The following COQ3 variants were observed in gnomAD, a reference collection of about 807,000 sequenced individuals.
COQ3 encodes coenzyme Q3, methyltransferase, also known as ubiquinone biosynthesis O-methyltransferase, mitochondrial.
A neutral mutation model predicts 33.1 loss-of-function variants in COQ3; 29 were observed. That is an observed-to-expected ratio of 0.88 (90% CI 0.65 to 1.19). COQ3 has a LOEUF of 1.19. Among genes scored for constraint, COQ3 ranks in the 50% most tolerant of loss-of-function variants. The pLI, the probability that COQ3 is intolerant of heterozygous loss-of-function variation, is 0.00. For missense variants in COQ3, 437 were observed against 430.7 expected (o/e 1.01, Z -0.13); for synonymous variants, 173 against 157.8 (o/e 1.10, Z -0.72).
At chr6:99,374,131 A>T (rs1487398988) in intron 5 of COQ3, among the ~76,000 whole-genome samples, 26 of 149,212 alleles carry the variant, frequency 1.7e-4, no homozygotes, top group South Asian at 6.8e-4. Flanking sequence ...GCAAAAAAAA[A>T]AAAAAAAAAA....
chr6:99,374,576 G>T (rs1199944694), intron 5 of COQ3, among the ~76,000 whole-genome samples: 1 of 152,320 alleles, frequency 6.6e-6, no homozygotes, highest in Non-Finnish European at 1.5e-5. Context: ...GACAGAGTCA[G>T]TATAGTAATA....
intron 2 of COQ3, among the ~76,000 whole-genome samples, chr6:99,380,922 A>ATAAT (rs1418257178): frequency 1.7e-5 from 2 of 117,108 alleles, no homozygotes; most frequent in African/African-American, 2.6e-5. Flanking sequence ...AAATAAATAA[A>ATAAT]TAATAATAAT....
chr6:99,385,379 A>C (rs185211144), intron 1 of COQ3, among the ~76,000 whole-genome samples: 226 of 152,348 alleles, frequency 1.5e-3, no homozygotes, highest in Non-Finnish European at 2.9e-3. Context: ...AACATTCATA[A>C]AGATAGACCA....
In COQ3 at chr6:99,369,803, T is replaced by A; in HGVS notation, c.907A>T (p.Thr303Ser). The A allele has an allele frequency of 6.2e-7, 1 of 1,603,308 alleles. No individual in the cohort carries two copies. The highest frequency in any genetic ancestry group is 8.5e-7 in the Non-Finnish European group (1 of 1,174,798). ...GGGTTATAGAGCATTCCTACCACTG[T>A]TTGAACTGACAGACCATCTGAAAAA... ...ILESNGLSVQ[T>S]VVGMLYNPFS... Residue 303 changes from threonine to serine, a missense_variant, in exon 7 of 7, where the codon ACA becomes TCA. By Grantham distance (58) the Thr-to-Ser change is moderately conservative. Coordinates refer to ENST00000254759, the MANE Select transcript of COQ3 (RefSeq NM_017421.4).
intron 5 of COQ3, among the ~76,000 whole-genome samples, chr6:99,375,267 C>T (rs1774251873): frequency 6.6e-6 from 1 of 152,000 alleles, no homozygotes; most frequent in Admixed American, 6.6e-5. Flanking sequence ...TGTGCCCAGC[C>T]TCAAATCAAT....
intron 2 of COQ3, chr6:99,382,928 G>A (rs1774512584): frequency 1.3e-5 from 2 of 151,918 alleles, no homozygotes; most frequent in African/African-American, 4.8e-5. Flanking sequence ...ACTCCAGCCT[G>A]GGCAACAAGA....
chr6:99,374,122 CA>C (rs146515261), intron 5 of COQ3, among the ~76,000 whole-genome samples: 1,284 of 86,436 alleles, frequency 0.015, 9 homozygotes, highest in African/African-American at 0.046. Context: ...CTGACATTAG[CA>C]AAAAAAAAAA....
chr6:99,371,585 G>A lies in COQ3; in HGVS notation c.732C>T (p.Pro244=), dbSNP rs369408410. 28 of 1,581,846 alleles carry A rather than the reference G, an allele frequency of 1.8e-5. No individual in the cohort carries two copies. Among genetic ancestry groups the A allele is most frequent in the Middle Eastern group, 1.7e-4 (1 of 5,994 alleles). The stretch of plus-strand genomic sequence containing the variant: ...TTGTAGTAATGAATAAAGAACCACC[G>A]GGCTAAAAGAAATGAAATTATATAG... ...FLQCCCQVLK[P]GGSLFITTIN... The change falls in exon 6 of 7, where the codon CCC becomes CCT. Residue 244 remains proline, a splice_region_variant and synonymous_variant. Transcript: ENST00000254759.
At chr6:99,388,932 CA>C (rs558461217) in intron 1 of COQ3, among the ~76,000 whole-genome samples, 2,314 of 53,702 alleles carry the variant, frequency 0.043, 37 homozygotes, top group East Asian at 0.18. Context: ...CACACACACA[CA>C]CCCACATCCT....
intron 4 of COQ3, 141 bp from the exon 5 acceptor site, chr6:99,376,323 T>C (rs1562203453): frequency 4.9e-6 from 4 of 821,328 alleles, no homozygotes; most frequent in East Asian, 2.7e-5. Flanking sequence ...GAAACTCATA[T>C]ACCATTTTCT....
intron 1 of COQ3, among the ~76,000 whole-genome samples, chr6:99,392,811 T>C (rs1194700979): frequency 3.3e-5 from 5 of 152,022 alleles, no homozygotes; most frequent in African/African-American, 9.7e-5. Context: ...TTTTAGTAGA[T>C]AGGGTTTCAC....
rs376914158 is a variant in COQ3, at chr6:99,371,540, G to C, written c.777C>G (p.Ser259=). The change falls in exon 6 of 7, where the codon TCC becomes TCG. Residue 259 remains serine, a synonymous_variant. Coordinates refer to ENST00000254759, the MANE Select transcript of COQ3 (RefSeq NM_017421.4). ...CTGAAAAAACAATTCCCAAGGCATA[G>C]GAAAGTTGTGTTTTGTTGATTGTAG... The part of the protein sequence containing the change: ...FITTINKTQL[S]YALGIVFSEQ... 3.1e-6 allele frequency: 5 copies of C among 1,606,726 alleles called. No individual in the cohort carries two copies. Among genetic ancestry groups the C allele is most frequent in the Non-Finnish European group, 4.2e-6 (5 of 1,176,570 alleles).
chr6:99,381,113 A>G (rs7743882), intron 2 of COQ3, among the ~76,000 whole-genome samples: 2 of 152,044 alleles, frequency 1.3e-5, no homozygotes, highest in Non-Finnish European at 2.9e-5. Flanking sequence ...ATTTGAGCAC[A>G]GGTGCCTCCA....
rs752401424 is a variant in COQ3 at position 99,369,650 on chromosome 6, G to A, written c.1060C>T (p.Gln354Ter). The A allele has an allele frequency of 6.2e-7, 1 of 1,614,040 alleles. No homozygotes were observed. The highest frequency in any genetic ancestry group is 8.5e-7 in the Non-Finnish European group (1 of 1,179,998). Reference protein sequence around the residue: ...FVLKGETEELQANACTNPAVH... With the variant: ...FVLKGETEEL The stretch of plus-strand genomic sequence containing the variant: ...GCTGGATTGGTGCAGGCATTAGCTT[G>A]GAGCTCTTCTGTTTCTCCCTTTAAA... Residue 354 changes from glutamine to a stop codon, truncating the protein, a stop_gained, in exon 7 of 7, where the codon CAA becomes TAA. Transcript: ENST00000254759. LOFTEE classifies it high-confidence loss of function.
chr6:99,394,022 C>T, intron 1 of COQ3, 52 bp downstream of exon 1: 5 of 1,487,734 alleles, frequency 3.4e-6, no homozygotes, highest in Middle Eastern at 1.8e-4. Context: ...TGCGCAGAGA[C>T]GCCAGCGCTC....
At chr6:99,373,711 G>T (rs977412740) in intron 5 of COQ3, among the ~76,000 whole-genome samples, 2 of 152,072 alleles carry the variant, frequency 1.3e-5, no homozygotes, top group African/African-American at 4.8e-5. Flanking sequence ...GGAAACAAGG[G>T]CTAGGCACAG....
At chr6:99,388,437 A>G (rs1774717301) in intron 1 of COQ3, among the ~76,000 whole-genome samples, 1 of 152,224 alleles carries the variant, frequency 6.6e-6, no homozygotes, top group Non-Finnish European at 1.5e-5. Flanking sequence ...AATTCAACAT[A>G]GTAAAAAGAT....
chr6:99,376,614 T>C (rs1015186380), intron 4 of COQ3, among the ~76,000 whole-genome samples: 2 of 152,246 alleles, frequency 1.3e-5, no homozygotes, highest in African/African-American at 4.8e-5. Context: ...GAAATGATTT[T>C]TCATAGCTAA....
chr6:99,376,044 C>T lies in COQ3; in HGVS notation c.625G>A (p.Val209Met). ...EYRVCSLEEIVEETAETFDAV... is the reference protein window; with the variant it reads ...EYRVCSLEEIMEETAETFDAV... ...TCAAATGTTTCTGCAGTCTCTTCCA[C>T]AATCTCTTCCAGGGAACACACTCTG... Residue 209 changes from valine to methionine, a missense_variant, in exon 5 of 7, where the codon GTG becomes ATG. By Grantham distance (21) the Val-to-Met change is conservative. Coordinates refer to ENST00000254759, the MANE Select transcript of COQ3 (RefSeq NM_017421.4). The T allele has an allele frequency of 6.2e-7, 1 of 1,614,154 alleles. No individual in the cohort carries two copies. Among genetic ancestry groups the T allele is most frequent in the Non-Finnish European group, 8.5e-7 (1 of 1,179,990 alleles).
Sources: gnomAD v4.1 joint callset for allele counts (sites outside exome capture counted in the v4.1 genomes callset) on GRCh38, gnomAD v4.1.1 for gene constraint, MANE v1.5 for transcripts, NCBI Gene and HGNC (gene_info 2026-07-23, HGNC 2026-07-21) for gene names.